PKNOX2: variants seen among roughly 807,000 people sequenced by gnomAD.
The protein encoded by PKNOX2 is homeobox protein PKNOX2.
PKNOX2 carries 14 observed loss-of-function variants against 53.1 expected under a neutral mutation model. The observed-to-expected ratio is 0.26, with a 90% CI of 0.17 to 0.41. The LOEUF (loss-of-function observed/expected upper bound fraction) is 0.41. Among genes scored for constraint, PKNOX2 ranks in the 10% least tolerant of loss-of-function variants. PKNOX2 has a pLI of 1.00. For synonymous variants in PKNOX2, 257 were observed against 242.8 expected, an observed-to-expected ratio of 1.06 and a Z score of -0.54; for missense variants, 496 against 602.8, an observed-to-expected ratio of 0.82 and a Z score of 1.85.
chr11:125,260,200 TTG>T (rs1944735862), intron 2 of PKNOX2, among the ~76,000 whole-genome samples: 1 of 151,786 alleles, frequency 6.6e-6, no homozygotes, highest in African/African-American at 2.4e-5. Context: ...TATGGTTTGT[TTG>T]TCTGCTTGTT....
chr11:125,329,835 T>C (rs1215753263), intron 2 of PKNOX2, among the ~76,000 whole-genome samples: 1 of 152,166 alleles, frequency 6.6e-6, no homozygotes, highest in Admixed American at 6.5e-5. Flanking sequence ...GGGTGGAAGA[T>C]GAGTCTAGAA....
chr11:125,286,779 G>A (rs11601446), intron 2 of PKNOX2, among the ~76,000 whole-genome samples: 90 of 152,346 alleles, frequency 5.9e-4, no homozygotes, highest in Non-Finnish European at 1.1e-3. Context: ...ATCTGCAGCC[G>A]TGGACCTTGG....
At chr11:125,217,453 A>G (rs1460205929) in intron 1 of PKNOX2, among the ~76,000 whole-genome samples, 2 of 152,172 alleles carry the variant, frequency 1.3e-5, no homozygotes, top group Non-Finnish European at 2.9e-5. Flanking sequence ...CATTCACACT[A>G]GGCAGTTGTT....
intron 8 of PKNOX2, 34 bp downstream of exon 8, chr11:125,410,359 A>G: frequency 1.2e-6 from 2 of 1,612,270 alleles, no homozygotes; most frequent in Non-Finnish European, 1.7e-6. Context: ...TGATTGTGGG[A>G]ATTCCCTGGG....
chr11:125,221,543 A>AG, intron 1 of PKNOX2, among the ~76,000 whole-genome samples: 1 of 152,320 alleles, frequency 6.6e-6, no homozygotes, highest in South Asian at 2.1e-4. Flanking sequence ...GAGGCGTATA[A>AG]GTCAGTATGT....
At chr11:125,252,706 C>T (rs762748845) in intron 2 of PKNOX2, among the ~76,000 whole-genome samples, 2 of 152,168 alleles carry the variant, frequency 1.3e-5, no homozygotes, top group African/African-American at 2.4e-5. Flanking sequence ...CCATGTAGCT[C>T]CCCCGGGCTG....
intron 10 of PKNOX2, among the ~76,000 whole-genome samples, chr11:125,418,252 C>A (rs1489986713): frequency 2.0e-5 from 3 of 152,012 alleles, no homozygotes; most frequent in Non-Finnish European, 4.4e-5. Context: ...TGTCTAGCTT[C>A]TTTTACTTAG....
At chr11:125,220,242 G>A (rs1350783635) in intron 1 of PKNOX2, among the ~76,000 whole-genome samples, 1 of 152,196 alleles carries the variant, frequency 6.6e-6, no homozygotes, top group Non-Finnish European at 1.5e-5. Context: ...AAACATTGCA[G>A]TGTTTACCTT....
At chr11:125,193,306 A>G (rs1956989390) in intron 1 of PKNOX2, among the ~76,000 whole-genome samples, 1 of 152,238 alleles carries the variant, frequency 6.6e-6, no homozygotes, top group South Asian at 2.1e-4. Context: ...TCTGCGCGGC[A>G]GAAAGCCCCC....
chr11:125,288,686 G>T (rs547876378), intron 2 of PKNOX2, among the ~76,000 whole-genome samples: 1 of 152,198 alleles, frequency 6.6e-6, no homozygotes, highest in African/African-American at 2.4e-5. Context: ...GCTGACCACC[G>T]CAGCGACTCT....
At chr11:125,429,737 A>AC (rs546317237) in intron 11 of PKNOX2, among the ~76,000 whole-genome samples, 2 of 151,560 alleles carry the variant, frequency 1.3e-5, no homozygotes, top group African/African-American at 2.4e-5. Context: ...GGGATTTCTG[A>AC]CCCCCCATGC....
chr11:125,249,836 A>G (rs1943859374), intron 2 of PKNOX2, among the ~76,000 whole-genome samples: 1 of 152,104 alleles, frequency 6.6e-6, no homozygotes, highest in Non-Finnish European at 1.5e-5. Context: ...TTGGGAGGCC[A>G]AGGTGGGTGG....
intron 7 of PKNOX2, among the ~76,000 whole-genome samples, chr11:125,402,987 T>C (rs757665538): frequency 3.9e-5 from 6 of 152,194 alleles, no homozygotes; most frequent in Admixed American, 6.5e-5. Flanking sequence ...GGAGGTGGCA[T>C]TTCAGGCAGG....
chr11:125,176,747 T>A (rs554221691), intron 1 of PKNOX2, among the ~76,000 whole-genome samples: 2 of 152,072 alleles, frequency 1.3e-5, no homozygotes, highest in African/African-American at 2.4e-5. Context: ...TTCTTTTCCA[T>A]CCCAGGCAAG....
In PKNOX2 at chr11:125,430,155, CTG is replaced by C; in HGVS notation, c.1192+15_1192+16del. ...CAAACCCCGATGGTAAGAACTGGGGCTGAGTGCACCCTAGACAAGGGCTGGGG... is the reference window on the plus strand; with the variant it reads ...CAAACCCCGATGGTAAGAACTGGGGCAGTGCACCCTAGACAAGGGCTGGGG... On this transcript the variant is annotated intron_variant, in intron 12 of 12. Coordinates refer to ENST00000298282, the MANE Select transcript of PKNOX2 (RefSeq NM_001382323.2). The C allele has an allele frequency of 6.2e-7, 1 of 1,612,436 alleles. No individual in the cohort carries two copies.
At chr11:125,351,547 C>T (rs928652741) in intron 4 of PKNOX2, among the ~76,000 whole-genome samples, 155 bp downstream of exon 4, 2 of 152,100 alleles carry the variant, frequency 1.3e-5, no homozygotes, top group South Asian at 2.1e-4. Flanking sequence ...TTCCCGTCAG[C>T]CTGGGGAGCG....
At chr11:125,275,353 G>A (rs1297796406) in intron 2 of PKNOX2, among the ~76,000 whole-genome samples, 2 of 152,178 alleles carry the variant, frequency 1.3e-5, no homozygotes, top group African/African-American at 2.4e-5. Context: ...TGTGCATGGG[G>A]AATGAGTAGA....
chr11:125,373,582 G>A (rs1022927538), intron 5 of PKNOX2, among the ~76,000 whole-genome samples: 5 of 152,252 alleles, frequency 3.3e-5, no homozygotes, highest in African/African-American at 7.2e-5. Flanking sequence ...GGTGTCAGCC[G>A]CTGTTGGATG....
chr11:125,384,579 G>A (rs1425332762), intron 5 of PKNOX2, among the ~76,000 whole-genome samples: 1 of 152,178 alleles, frequency 6.6e-6, no homozygotes, highest in Admixed American at 6.5e-5. Context: ...AGATACTCAG[G>A]AGGCTGAGAC....
Sources: allele counts gnomAD v4.1 joint callset (sites outside exome capture counted in the v4.1 genomes callset), GRCh38; gene constraint gnomAD v4.1.1; transcripts MANE v1.5; gene names NCBI Gene and HGNC (gene_info 2026-07-23, HGNC 2026-07-21).